Variants in ADH1C observed in about 807,000 individuals in gnomAD.
ADH1C encodes alcohol dehydrogenase 1C.
A neutral mutation model predicts 35.0 loss-of-function variants in ADH1C; 26 were observed. The observed-to-expected ratio is 0.74, with a 90% CI of 0.54 to 1.03. The LOEUF (loss-of-function observed/expected upper bound fraction) is 1.03. ADH1C is among the 50% of genes least tolerant of loss of function. The probability of loss-of-function intolerance (pLI) is 0.00; values close to 1 mark genes in which losing one functional copy is unlikely to be tolerated. For missense variants in ADH1C, 413 were observed against 465.4 expected, an observed-to-expected ratio of 0.89 and a Z score of 1.04; for synonymous variants, 170 against 169.3, an observed-to-expected ratio of 1.00 and a Z score of -0.03.
In ADH1C at chr4:99,336,505, A is replaced by G. The variant is rs1332136753; in HGVS notation, c.*247T>C. 1.1e-5 allele frequency: 6 copies of G among 558,462 alleles called. No individual in the cohort carries two copies. The highest frequency in any genetic ancestry group is 1.9e-5 in the African/African-American group (1 of 52,946). 34.6% of individuals were successfully genotyped at this position (558,462 alleles called of 1,614,324 possible). On this transcript the variant is annotated 3_prime_UTR_variant, in exon 9 of 9. Transcript: ENST00000515683. ...ATGGCACACAAGTTGAATGGTTAAG[A>G]AGGAAGGTTTATTGGCTTCAATTCC...
At chr4:99,349,138 C>T (rs1213806964) in intron 1 of ADH1C, among the ~76,000 whole-genome samples, 1 of 140,778 alleles carries the variant, frequency 7.1e-6, no homozygotes, top group Non-Finnish European at 1.5e-5. Flanking sequence ...TTAATTAGAT[C>T]CCATTTGTCA....
chr4:99,347,493 T>C (rs1440958861), intron 2 of ADH1C, among the ~76,000 whole-genome samples: 1 of 152,250 alleles, frequency 6.6e-6, no homozygotes, highest in African/African-American at 2.4e-5. Context: ...GAACTCTTGA[T>C]ATATATCCCT....
intron 1 of ADH1C, 93 bp from the exon 2 acceptor site, chr4:99,347,939 C>A: frequency 7.1e-7 from 1 of 1,402,722 alleles, no homozygotes; most frequent in Non-Finnish European, 1.0e-6. Flanking sequence ...AACATTGAGT[C>A]CCATGTCTGG....
At chr4:99,338,151 C>T (rs1734319353) in intron 8 of ADH1C, among the ~76,000 whole-genome samples, 2 of 151,406 alleles carry the variant, frequency 1.3e-5, no homozygotes, top group African/African-American at 4.8e-5. Context: ...AGTCACCTTA[C>T]TCTTACCAAT....
chr4:99,351,422 T>A (rs1173359359), intron 1 of ADH1C, among the ~76,000 whole-genome samples: 1 of 152,228 alleles, frequency 6.6e-6, no homozygotes, highest in African/African-American at 2.4e-5. Context: ...AAGTTATTGA[T>A]GTTGCACTCA....
At chr4:99,340,550 T>G in intron 7 of ADH1C, 25 bp downstream of exon 7, 3 of 1,613,274 alleles carry the variant, frequency 1.9e-6, no homozygotes, top group Non-Finnish European at 1.7e-6. Context: ...TAATGAGAAT[T>G]TGGCTCTGAA....
Position 99,348,270 on chromosome 4 carries a change from TC to T in ADH1C, c.19-425del, listed in dbSNP as rs1258782385. Among the ~76,000 whole-genome samples the T allele has an allele frequency of 1.0e-3, 99 of 95,890 alleles. 1 individual carries two copies. The highest frequency in any genetic ancestry group is 3.8e-3 in the African/African-American group (92 of 24,442). 62.9% of individuals were successfully genotyped at this position (95,890 alleles called of 152,430 possible). A position where few individuals can be genotyped will look rare whatever the true frequency, so the allele number is the denominator to read the frequency against. On this transcript the variant is annotated intron_variant, in intron 1 of 8. Coordinates refer to ENST00000515683, the MANE Select transcript of ADH1C (RefSeq NM_000669.5). ...TAGGTATATCTCCCAATGCTATCCC[TC>T]CCCCCTCCCCCCACCCCACAATAGT... is the stretch of plus-strand genomic sequence containing the variant.
In ADH1C at chr4:99,345,283, C is replaced by A. The variant is rs749950828; in HGVS notation, c.260-17G>T. 4 of 1,603,088 alleles carry A rather than the reference C, an allele frequency of 2.5e-6. No individual in the cohort carries two copies. In the South Asian group the frequency reaches 4.4e-5, roughly 18 times the overall value. The stretch of plus-strand genomic sequence containing the variant: ...CTTTATCACCTGCAGAGGAATAAAA[C>A]AAATTCTTCTTAAATTTCTATGCAG... On this transcript the variant is annotated splice_polypyrimidine_tract_variant and intron_variant, in intron 3 of 8. Transcript: ENST00000515683.
rs991417443 is a variant in ADH1C at position 99,347,729 on chromosome 4, G to T, written c.120+16C>A. 8.2e-6 allele frequency: 13 copies of T among 1,585,570 alleles called. No homozygotes were observed. Among genetic ancestry groups the T allele is most frequent in the Non-Finnish European group, 1.1e-5 (13 of 1,165,908 alleles). ...TTTAAACTTAAAATTAAATACAAAT[G>T]GAAAAAGTATTTCACCTTAATGCGA... On this transcript the variant is annotated intron_variant, in intron 2 of 8. Transcript: ENST00000515683.
intron 6 of ADH1C, 85 bp from the exon 7 acceptor site, chr4:99,340,795 G>A (rs1693471): frequency 0.38 from 596,676 of 1,568,866 alleles, 121,127 homozygotes; most frequent in Non-Finnish European, 0.41. Context: ...AATAGGCTTA[G>A]CTGGATTGTG....
chr4:99,343,506 C>T (rs942866968), intron 5 of ADH1C, among the ~76,000 whole-genome samples: 5 of 152,056 alleles, frequency 3.3e-5, no homozygotes, highest in African/African-American at 4.8e-5. Context: ...AGGCAATATT[C>T]GGAAAATAAA....
intron 6 of ADH1C, among the ~76,000 whole-genome samples, chr4:99,342,089 A>G (rs1479254769): frequency 1.3e-5 from 2 of 152,192 alleles, no homozygotes; most frequent in Non-Finnish European, 2.9e-5. Flanking sequence ...AGCTAACCAC[A>G]TGATGAGTTG....
Position 99,342,920 on chromosome 4 carries a change from C to G in ADH1C, c.703G>C (p.Glu235Gln). Residue 235 changes from glutamate to glutamine, a missense_variant, in exon 6 of 9, where the codon GAG becomes CAG. Coordinates refer to ENST00000515683, the MANE Select transcript of ADH1C (RefSeq NM_000669.5). ...TTGATGCATTCAGTGGCACCCAACT[C>G]TTTAGCCTTTGCAAATTTGTCCTTG... Reference protein sequence around the residue: ...INKDKFAKAKELGATECINPQ... With the variant: ...INKDKFAKAKQLGATECINPQ... 6.2e-7 allele frequency: 1 copy of G among 1,614,144 alleles called. No individual in the cohort carries two copies. Among genetic ancestry groups the G allele is most frequent in the Non-Finnish European group, 8.5e-7 (1 of 1,180,026 alleles).
chr4:99,337,025 G>C (rs1399768384), intron 8 of ADH1C, among the ~76,000 whole-genome samples: 1 of 152,124 alleles, frequency 6.6e-6, no homozygotes, highest in Non-Finnish European at 1.5e-5. Context: ...TTAGACTTCA[G>C]ATCTACATTA....
At chr4:99,338,394 TC>T (rs1335239337) in intron 8 of ADH1C, among the ~76,000 whole-genome samples, 671 of 22,788 alleles carry the variant, frequency 0.029, 55 homozygotes, top group African/African-American at 0.16. Context: ...AATACTGTTT[TC>T]TATATATATA....
chr4:99,338,467 G>T, intron 8 of ADH1C, among the ~76,000 whole-genome samples: 1 of 122,892 alleles, frequency 8.1e-6, no homozygotes, highest in African/African-American at 3.1e-5. Context: ...GGGGTGGTGT[G>T]GTTTAATAGA....
intron 7 of ADH1C, 140 bp downstream of exon 7, chr4:99,340,435 T>C: frequency 9.6e-7 from 1 of 1,036,724 alleles, no homozygotes; most frequent in Non-Finnish European, 1.4e-6. Context: ...AAAGAAAAGT[T>C]CTGCATTATT....
Position 99,347,638 on chromosome 4 carries a change from G to T in ADH1C, c.120+107C>A. The T allele has an allele frequency of 5.2e-6, 6 of 1,160,594 alleles. No homozygotes were observed. In the South Asian group the frequency reaches 5.8e-5, roughly 11 times the overall value. The allele number at this position is 1,160,594 out of a possible 1,614,324, so 71.9% of individuals were successfully genotyped here. On this transcript the variant is annotated intron_variant, in intron 2 of 8. Coordinates refer to ENST00000515683, the MANE Select transcript of ADH1C (RefSeq NM_000669.5). ...ACAACAAATGTAATTTTATTTTCTG[G>T]ATAATTATATAAAAAATACCTCTAG...
At chr4:99,346,255 A>T (rs1734527286) in intron 3 of ADH1C, among the ~76,000 whole-genome samples, 1 of 152,172 alleles carries the variant, frequency 6.6e-6, no homozygotes, top group South Asian at 2.1e-4. Flanking sequence ...AAACGATGGT[A>T]TGGAAATGTC....
Sources: gnomAD v4.1 joint callset for allele counts (sites outside exome capture counted in the v4.1 genomes callset) on GRCh38, gnomAD v4.1.1 for gene constraint, MANE v1.5 for transcripts, NCBI Gene and HGNC (gene_info 2026-07-23, HGNC 2026-07-21) for gene names.